The following TNNT2 variants were observed in gnomAD, a reference collection of about 807,000 sequenced individuals.
The protein encoded by TNNT2 is troponin T2, cardiac type.
A neutral mutation model predicts 62.4 loss-of-function variants in TNNT2; 34 were observed. The ratio of observed to expected loss-of-function variants is 0.54; its 90% confidence interval spans 0.41 to 0.72. The LOEUF is 0.72. Among genes scored for constraint, TNNT2 ranks in the 30% least tolerant of loss-of-function variants. TNNT2 has a pLI of 0.00. For missense variants in TNNT2, 275 were observed against 381.9 expected (o/e 0.72, Z 2.33); for synonymous variants, 123 against 127.2 (o/e 0.97, Z 0.22).
intron 7 of TNNT2, 126 bp downstream of exon 7, chr1:201,367,645 C>T: frequency 6.4e-6 from 7 of 1,101,990 alleles, no homozygotes; most frequent in South Asian, 1.2e-5. Context: ...AAGTTCTGTC[C>T]TCTCCTCTCC....
rs149771863 is a variant in TNNT2, at chr1:201,360,630, G to A, written c.810+649C>T. The A allele has an allele frequency of 9.7e-3, 1,509 of 155,292 alleles. 25 individuals carry two copies. Among genetic ancestry groups the A allele is most frequent in the African/African-American group, 0.033 (1,373 of 41,576 alleles). 9.6% of individuals were successfully genotyped at this position (155,292 alleles called of 1,614,324 possible). On this transcript the variant is annotated intron_variant, in intron 15 of 16. Coordinates refer to ENST00000656932, the MANE Select transcript of TNNT2 (RefSeq NM_001276345.2). ...CGAGGGGCTTCTTGCCCAGGGAGGA[G>A]TGGTTTGGCAGGAGCAGCAAAGGAG...
chr1:201,364,042 A>G (rs1558227358), intron 11 of TNNT2: 6 of 482,780 alleles, frequency 1.2e-5, no homozygotes, highest in African/African-American at 3.9e-5. Context: ...ATGTGCCACC[A>G]CGCCTGGCTA....
At position 201,373,265 on chromosome 1, in the gene TNNT2, C is replaced by A. The variant is rs201831895; in HGVS notation, c.-11G>T. 8.1e-6 allele frequency: 13 copies of A among 1,613,958 alleles called. No individual in the cohort carries two copies. The highest frequency in any genetic ancestry group is 1.3e-5 in the African/African-American group (1 of 74,906). Reference sequence around the variant, plus strand: ...TTCTATGTCAGACATGGTCTCTGCTCTCCCTCCAAAAGGAGAAAAAAGTCA... The same window carrying A: ...TTCTATGTCAGACATGGTCTCTGCTATCCCTCCAAAAGGAGAAAAAAGTCA... On this transcript the variant is annotated 5_prime_UTR_variant, in exon 2 of 17. Coordinates refer to ENST00000656932, the MANE Select transcript of TNNT2 (RefSeq NM_001276345.2).
chr1:201,372,230 A>C lies in TNNT2; in HGVS notation c.42-75T>G. 1.9e-6 allele frequency: 3 copies of C among 1,601,856 alleles called. No individual in the cohort carries two copies. In the South Asian group the frequency reaches 3.3e-5, roughly 18 times the overall value. ...AACACACACGCCTGCACACACATGC[A>C]CACACTGGCCTTTCCCCAAAGATAA... On this transcript the variant is annotated intron_variant, in intron 2 of 16. Transcript: ENST00000656932.
chr1:201,363,545 C>T, intron 11 of TNNT2, 139 bp from the exon 12 acceptor site: 2 of 758,818 alleles, frequency 2.6e-6, no homozygotes, highest in South Asian at 1.5e-5. Context: ...GGGTAGCTCC[C>T]AGCACAGTGC....
intron 16 of TNNT2, among the ~76,000 whole-genome samples, 176 bp from the exon 17 acceptor site, chr1:201,359,431 C>G (rs1201982045): frequency 1.3e-5 from 2 of 151,944 alleles, no homozygotes; most frequent in African/African-American, 4.8e-5. Context: ...CACATTTCAC[C>G]CCCACCAGCA....
At position 201,363,592 on chromosome 1, in the gene TNNT2, G is replaced by T. The variant is rs1019594263; in HGVS notation, c.490-186C>A. The T allele has an allele frequency of 8.3e-6, 5 of 604,060 alleles. No individual in the cohort carries two copies. In the South Asian group the frequency reaches 9.5e-5, roughly 11 times the overall value. The allele number at this position is 604,060 out of a possible 1,614,324, so 37.4% of individuals were successfully genotyped here. On this transcript the variant is annotated intron_variant, in intron 11 of 16. Coordinates refer to ENST00000656932, the MANE Select transcript of TNNT2 (RefSeq NM_001276345.2). ...AGTCCACTGACTGAGAAATGACTGC[G>T]TGATTGAATGAGGTCCTGATTCCCA...
intron 6 of TNNT2, 101 bp from the exon 7 acceptor site, chr1:201,367,907 G>A (rs2102280953): frequency 7.0e-7 from 1 of 1,418,684 alleles, no homozygotes; most frequent in Middle Eastern, 1.8e-4. Flanking sequence ...CCCTAGCCAA[G>A]ATGCACTCTG....
In TNNT2 at chr1:201,368,233, G is replaced by A. The variant is rs1335680363; in HGVS notation, c.98-6C>T. 1 of 1,614,038 alleles carries A rather than the reference G, an allele frequency of 6.2e-7. No homozygotes were observed. On this transcript the variant is annotated splice_polypyrimidine_tract_variant and splice_region_variant and intron_variant, in intron 5 of 16. Transcript: ENST00000656932. ...TTCCGCTGCCTCCTCCTGCTCTGGA[G>A]AAGTGAAGCAGACAGAGTGAAGAAG... is the stretch of plus-strand genomic sequence containing the variant.
chr1:201,364,235 G>C, intron 11 of TNNT2, 63 bp downstream of exon 11: 1 of 1,511,866 alleles, frequency 6.6e-7, no homozygotes, highest in Non-Finnish European at 9.1e-7. Flanking sequence ...AGAGGGGCCT[G>C]GGGGCCCAGC....
intron 6 of TNNT2, 78 bp from the exon 7 acceptor site, chr1:201,367,884 C>A (rs1256392411): frequency 1.3e-6 from 2 of 1,545,840 alleles, no homozygotes; most frequent in Non-Finnish European, 8.9e-7. Flanking sequence ...CAAGAGCCTT[C>A]CCCACAGATA....
intron 5 of TNNT2, chr1:201,369,400 A>G (rs982123178): frequency 8.4e-6 from 4 of 475,674 alleles, no homozygotes; most frequent in Admixed American, 4.7e-5. Flanking sequence ...AGACCCCCCA[A>G]CCAACACCTG....
chr1:201,373,415 C>A, intron 1 of TNNT2, 147 bp from the exon 2 acceptor site: 1 of 731,140 alleles, frequency 1.4e-6, no homozygotes. Context: ...CAACAAAAAG[C>A]CTGTTTTCTC....
chr1:201,364,539 T>C (rs1158052945), intron 10 of TNNT2, among the ~76,000 whole-genome samples, 164 bp from the exon 11 acceptor site: 1 of 152,106 alleles, frequency 6.6e-6, no homozygotes, highest in Non-Finnish European at 1.5e-5. Context: ...TTCAACCAGC[T>C]CCACGGACGT....
In TNNT2 at chr1:201,372,255, A is replaced by G. The variant is rs1036756909; in HGVS notation, c.42-100T>C. On this transcript the variant is annotated intron_variant, in intron 2 of 16. Coordinates refer to ENST00000656932, the MANE Select transcript of TNNT2 (RefSeq NM_001276345.2). ...ACACACTGGCCTTTCCCCAAAGATA[A>G]TCCCCCTTTCTTTTCCCTTGTTGCC... 15 of 1,560,616 alleles carry G rather than the reference A, an allele frequency of 9.6e-6. No homozygotes were observed. In the African/African-American group the frequency reaches 1.9e-4, roughly 20 times the overall value.
chr1:201,365,291 C>A lies in TNNT2; in HGVS notation c.311G>T (p.Arg104Leu), dbSNP rs397516457. Residue 104 changes from arginine to leucine, a missense_variant, in exon 10 of 17, where the codon CGC becomes CTC. Coordinates refer to ENST00000656932, the MANE Select transcript of TNNT2 (RefSeq NM_001276345.2). The part of the protein sequence containing the change: ...RVDFDDIHRK[R>L]MEKDLNELQA... The stretch of plus-strand genomic sequence containing the variant: ...CAACTCATTCAGGTCCTTCTCCATG[C>A]GCTTCCGGTGGATGTCCTGTGGGTG... The A allele has an allele frequency of 6.2e-7, 1 of 1,614,060 alleles. No individual in the cohort carries two copies. Among genetic ancestry groups the A allele is most frequent in the Non-Finnish European group, 8.5e-7 (1 of 1,179,936 alleles).
intron 1 of TNNT2, 48 bp from the exon 2 acceptor site, chr1:201,373,316 T>C: frequency 6.5e-7 from 1 of 1,550,026 alleles, no homozygotes; most frequent in Non-Finnish European, 8.9e-7. Context: ...GAAGCCTGCC[T>C]TCCTCAGAAG....
intron 15 of TNNT2, among the ~76,000 whole-genome samples, chr1:201,359,947 A>C (rs1658307571): frequency 6.6e-6 from 1 of 152,158 alleles, no homozygotes; most frequent in East Asian, 1.9e-4. Flanking sequence ...AGGGCCTCTG[A>C]GAGCTGGGCA....
chr1:201,368,747 T>TAGAA (rs1001814242), intron 5 of TNNT2, among the ~76,000 whole-genome samples: 20 of 152,182 alleles, frequency 1.3e-4, no homozygotes, highest in Non-Finnish European at 2.9e-4. Flanking sequence ...GCACTTGGTG[T>TAGAA]AGACAGACAG....
Sources: gnomAD v4.1 joint callset for allele counts (sites outside exome capture counted in the v4.1 genomes callset) on GRCh38, gnomAD v4.1.1 for gene constraint, MANE v1.5 for transcripts, NCBI Gene and HGNC (gene_info 2026-07-23, HGNC 2026-07-21) for gene names.